The following RAP1GAP2 variants were observed in gnomAD, a reference collection of about 807,000 sequenced individuals.
RAP1GAP2 encodes RAP1 GTPase activating protein 2.
In RAP1GAP2, 27 loss-of-function variants were observed where a neutral mutation model predicts 95.0. That is an observed-to-expected ratio of 0.28 (90% CI 0.21 to 0.39). The LOEUF (loss-of-function observed/expected upper bound fraction) is 0.39. Ranked by LOEUF, RAP1GAP2 falls within the 10% of genes least tolerant of loss-of-function variation. The probability of loss-of-function intolerance (pLI) is 1.00; values close to 1 mark genes in which losing one functional copy is unlikely to be tolerated. For synonymous variants in RAP1GAP2, 373 were observed against 380.9 expected, an observed-to-expected ratio of 0.98 and a Z score of 0.24; for missense variants, 771 against 970.0, an observed-to-expected ratio of 0.79 and a Z score of 2.72.
chr17:2,966,160 C>T (rs1486978970), intron 8 of RAP1GAP2, among the ~76,000 whole-genome samples: 1 of 152,186 alleles, frequency 6.6e-6, no homozygotes, highest in Non-Finnish European at 1.5e-5. Context: ...TGGATTGTGA[C>T]CTTCTCAAGG....
Sources: gnomAD v4.1 joint callset for allele counts (sites outside exome capture counted in the v4.1 genomes callset) on GRCh38, gnomAD v4.1.1 for gene constraint, MANE v1.5 for transcripts, NCBI Gene and HGNC (gene_info 2026-07-23, HGNC 2026-07-21) for gene names.